Variants in AAGAB observed in about 807,000 individuals in gnomAD.
AAGAB encodes alpha- and gamma-adaptin-binding protein p34.
Under a neutral mutation model 44.1 loss-of-function variants are expected in AAGAB, and 38 were observed. The observed-to-expected ratio is 0.86, with a 90% CI of 0.67 to 1.13. The LOEUF (loss-of-function observed/expected upper bound fraction) is 1.13, where lower values mean the gene tolerates loss of function less well. Ranked by LOEUF, AAGAB falls within the 50% of genes most tolerant of loss-of-function variation. The pLI is 0.00. For missense variants in AAGAB, 450 were observed against 373.8 expected (o/e 1.20, Z -1.68); for synonymous variants, 131 against 131.8 (o/e 0.99, Z 0.04).
intron 7 of AAGAB, among the ~76,000 whole-genome samples, chr15:67,205,579 C>A (rs930785848): frequency 6.6e-6 from 1 of 152,194 alleles, no homozygotes; most frequent in Non-Finnish European, 1.5e-5. Flanking sequence ...AACCAGGCGA[C>A]ACCGTGTTGG....
chr15:67,247,199 A>C (rs182180312), intron 1 of AAGAB, among the ~76,000 whole-genome samples: 176 of 152,236 alleles, frequency 1.2e-3, no homozygotes, highest in African/African-American at 3.8e-3. Context: ...AGAAGGAAGA[A>C]ACTCCGGACA....
At chr15:67,233,986 T>C (rs1171579399) in intron 4 of AAGAB, among the ~76,000 whole-genome samples, 1 of 151,602 alleles carries the variant, frequency 6.6e-6, no homozygotes, top group African/African-American at 2.4e-5. Flanking sequence ...CTCATGCCTG[T>C]AATCCCAGCA....
chr15:67,237,542 C>G (rs575008529), intron 1 of AAGAB, among the ~76,000 whole-genome samples: 2 of 152,264 alleles, frequency 1.3e-5, no homozygotes, highest in South Asian at 4.1e-4. Context: ...GAAATCCCCA[C>G]AGTAAGAGAC....
chr15:67,253,021 G>C (rs1184952014), intron 1 of AAGAB, among the ~76,000 whole-genome samples: 1 of 152,194 alleles, frequency 6.6e-6, no homozygotes, highest in African/African-American at 2.4e-5. Flanking sequence ...GGGTTACAGA[G>C]ATAGTAATGT....
chr15:67,252,807 T>C (rs1964900785), intron 1 of AAGAB, among the ~76,000 whole-genome samples: 1 of 152,194 alleles, frequency 6.6e-6, no homozygotes. Context: ...ACTTTCTAAG[T>C]GATCACAAAT....
At position 67,202,687 on chromosome 15, in the gene AAGAB, A is replaced by G. The variant is rs1363595221; in HGVS notation, c.*134T>C. On this transcript the variant is annotated 3_prime_UTR_variant, in exon 10 of 10. Transcript: ENST00000261880. ...CCTTAACCTCCTACTAAAAACTAAA[A>G]TTAAGGGGACCCTATAAACAAGTCA... 1.4e-6 allele frequency: 1 copy of G among 730,600 alleles called. No individual in the cohort carries two copies. The highest frequency in any genetic ancestry group is 2.3e-6 in the Non-Finnish European group (1 of 427,584). The allele number at this position is 730,600 out of a possible 1,614,324, so 45.3% of individuals were successfully genotyped here.
At chr15:67,223,510 T>C (rs1206896208) in intron 5 of AAGAB, among the ~76,000 whole-genome samples, 1 of 152,194 alleles carries the variant, frequency 6.6e-6, no homozygotes, top group Non-Finnish European at 1.5e-5. Flanking sequence ...ATGCTGGCTC[T>C]ACCTCACAAT....
At chr15:67,213,014 A>C (rs1963859694) in intron 5 of AAGAB, among the ~76,000 whole-genome samples, 2 of 152,328 alleles carry the variant, frequency 1.3e-5, no homozygotes, top group South Asian at 4.1e-4. Context: ...TGATGCCACA[A>C]AACTCTAGAC....
At chr15:67,231,951 C>A (rs915741397) in intron 4 of AAGAB, 54 bp from the exon 5 acceptor site, 125 of 1,455,068 alleles carry the variant, frequency 8.6e-5, no homozygotes, top group Non-Finnish European at 1.0e-4. Context: ...CACAGATATA[C>A]ATATACATTC....
At chr15:67,232,403 G>C in intron 4 of AAGAB, 1 of 197,966 alleles carries the variant, frequency 5.1e-6, no homozygotes, top group South Asian at 9.1e-5. Flanking sequence ...ATATTCTAGA[G>C]AAACTCTTTT....
In AAGAB at chr15:67,236,569, G is replaced by A; in HGVS notation, c.264+61C>T. ...AGAGATAGTCAGACAAAATGTAATGGGAAAAAAAGAAGGCATGCAATAATT... is the reference window on the plus strand; with the variant it reads ...AGAGATAGTCAGACAAAATGTAATGAGAAAAAAAGAAGGCATGCAATAATT... On this transcript the variant is annotated intron_variant, in intron 2 of 9. Coordinates refer to ENST00000261880, the MANE Select transcript of AAGAB (RefSeq NM_024666.5). The A allele has an allele frequency of 5.6e-6, 9 of 1,600,986 alleles. 1 individual carries two copies. The highest frequency in any genetic ancestry group is 2.6e-6 in the Non-Finnish European group (3 of 1,170,986).
chr15:67,242,791 C>G (rs1027813807), intron 1 of AAGAB: 3 of 152,096 alleles, frequency 2.0e-5, no homozygotes, highest in Non-Finnish European at 4.4e-5. Context: ...TATGACAGGT[C>G]GATCACTGGA....
chr15:67,208,907 G>T (rs1162070776), intron 6 of AAGAB, among the ~76,000 whole-genome samples: 4 of 152,130 alleles, frequency 2.6e-5, no homozygotes, highest in Non-Finnish European at 4.4e-5. Flanking sequence ...CATGTTTTTT[G>T]TTTGTCTCAT....
intron 5 of AAGAB, among the ~76,000 whole-genome samples, chr15:67,219,742 A>G (rs954415713): frequency 6.6e-6 from 1 of 152,200 alleles, no homozygotes; most frequent in African/African-American, 2.4e-5. Context: ...CCCCAATTCT[A>G]AAATAAAAAT....
intron 1 of AAGAB, among the ~76,000 whole-genome samples, chr15:67,242,286 G>A (rs904419106): frequency 3.0e-5 from 4 of 132,714 alleles, no homozygotes; most frequent in African/African-American, 7.8e-5. Flanking sequence ...AGCCGGGCGC[G>A]GTGGCGGGCG....
intron 1 of AAGAB, among the ~76,000 whole-genome samples, chr15:67,247,272 A>C (rs533481347): frequency 1.3e-5 from 2 of 152,360 alleles, no homozygotes; most frequent in African/African-American, 4.8e-5. Flanking sequence ...CACTGGAAGG[A>C]ACCAATTCCA....
At chr15:67,236,606 C>G in intron 2 of AAGAB, 24 bp downstream of exon 2, 1 of 1,608,448 alleles carries the variant, frequency 6.2e-7, no homozygotes, top group Non-Finnish European at 8.5e-7. Context: ...CTTATTCAAG[C>G]CTTCATAGAA....
chr15:67,229,820 C>T (rs552204615), intron 5 of AAGAB, among the ~76,000 whole-genome samples: 1 of 151,960 alleles, frequency 6.6e-6, no homozygotes, highest in African/African-American at 2.4e-5. Flanking sequence ...GGTAAGCTCA[C>T]TGTAAAACAT....
intron 9 of AAGAB, 50 bp downstream of exon 9, chr15:67,203,498 G>A (rs568260692): frequency 6.8e-7 from 1 of 1,465,010 alleles, no homozygotes; most frequent in Non-Finnish European, 9.5e-7. Flanking sequence ...TATAATAATA[G>A]CACTGGACCT....
Sources: allele counts gnomAD v4.1 joint callset (sites outside exome capture counted in the v4.1 genomes callset), GRCh38; gene constraint gnomAD v4.1.1; transcripts MANE v1.5; gene names NCBI Gene and HGNC (gene_info 2026-07-23, HGNC 2026-07-21).